The following GRID2 variants were observed in gnomAD, a reference collection of about 807,000 sequenced individuals.
GRID2 encodes the protein glutamate ionotropic receptor delta type subunit 2.
In GRID2, 33 loss-of-function variants were observed where a neutral mutation model predicts 114.8. That is an observed-to-expected ratio of 0.29 (90% confidence interval 0.22 to 0.38). GRID2 has a LOEUF of 0.38. Ranked by LOEUF, GRID2 falls within the 10% of genes least tolerant of loss-of-function variation. The pLI is 1.00. For missense variants in GRID2, 1,184 were observed against 1,257.7 expected, an observed-to-expected ratio of 0.94 and a Z score of 0.89; for synonymous variants, 505 against 449.9, an observed-to-expected ratio of 1.12 and a Z score of -1.55.
At chr4:93,663,302 T>C (rs1723661634) in intron 14 of GRID2, among the ~76,000 whole-genome samples, 1 of 152,154 alleles carries the variant, frequency 6.6e-6, no homozygotes, top group Non-Finnish European at 1.5e-5. Context: ...TATGGAGGTA[T>C]TTTGAGTGCT....
At chr4:92,748,667 A>ATTATTAT (rs1553923498) in intron 2 of GRID2, among the ~76,000 whole-genome samples, 1 of 143,816 alleles carries the variant, frequency 7.0e-6, no homozygotes, top group Non-Finnish European at 1.5e-5. Flanking sequence ...TATTATTATT[A>ATTATTAT]TTATTATTAT....
intron 2 of GRID2, among the ~76,000 whole-genome samples, chr4:92,625,055 A>G (rs750212548): frequency 6.6e-6 from 1 of 151,758 alleles, no homozygotes; most frequent in East Asian, 1.9e-4. Context: ...ATATCTTTAT[A>G]TGCTAAAAAG....
chr4:92,495,950 C>T (rs10014899), intron 1 of GRID2, among the ~76,000 whole-genome samples: 15,823 of 151,706 alleles, frequency 0.1, 1,533 homozygotes, highest in African/African-American at 0.26. Flanking sequence ...CAACTATGAG[C>T]CATCTTTATG....
At chr4:93,262,079 A>G (rs1431101352) in intron 8 of GRID2, among the ~76,000 whole-genome samples, 1 of 151,486 alleles carries the variant, frequency 6.6e-6, no homozygotes, top group Admixed American at 6.6e-5. Context: ...TAAATATTAA[A>G]TGTATAATAA....
At chr4:92,332,569 A>C (rs1372159749) in intron 1 of GRID2, among the ~76,000 whole-genome samples, 4 of 152,194 alleles carry the variant, frequency 2.6e-5, no homozygotes, top group Non-Finnish European at 4.4e-5. Flanking sequence ...ACCCATTCTA[A>C]TATCACCTTA....
intron 3 of GRID2, among the ~76,000 whole-genome samples, chr4:93,094,035 T>G (rs1730998332): frequency 6.6e-6 from 1 of 152,052 alleles, no homozygotes; most frequent in Non-Finnish European, 1.5e-5. Context: ...TTTTTTTAAC[T>G]TTGATAGTTG....
intron 13 of GRID2, among the ~76,000 whole-genome samples, chr4:93,624,954 G>A (rs1373987771): frequency 6.6e-6 from 1 of 152,080 alleles, no homozygotes; most frequent in East Asian, 1.9e-4. Flanking sequence ...TTGTGGAATC[G>A]TTTTATTTTC....
At chr4:92,944,167 C>T (rs533543220) in intron 2 of GRID2, among the ~76,000 whole-genome samples, 173 of 152,176 alleles carry the variant, frequency 1.1e-3, no homozygotes, top group Non-Finnish European at 1.6e-3. Flanking sequence ...ATGGCTATGC[C>T]CTGCCCCCAG....
At chr4:93,593,169 G>T (rs1219120903) in intron 13 of GRID2, among the ~76,000 whole-genome samples, 1 of 150,234 alleles carries the variant, frequency 6.7e-6, no homozygotes, top group Non-Finnish European at 1.5e-5. Flanking sequence ...TTACATTTTG[G>T]CATGATTTTG....
At chr4:93,666,935 C>T (rs1723999697) in intron 14 of GRID2, among the ~76,000 whole-genome samples, 1 of 151,946 alleles carries the variant, frequency 6.6e-6, no homozygotes, top group Non-Finnish European at 1.5e-5. Flanking sequence ...AAATGATTGT[C>T]AAATTTCAGG....
At chr4:93,785,344 C>T (rs909981792) in intron 1 of GRID2, among the ~76,000 whole-genome samples, 6 of 152,068 alleles carry the variant, frequency 3.9e-5, no homozygotes, top group Admixed American at 2.6e-4. Context: ...AATGAAAATG[C>T]AAGGTGATTT....
chr4:92,995,852 C>T (rs1755164942), intron 2 of GRID2, among the ~76,000 whole-genome samples: 1 of 152,058 alleles, frequency 6.6e-6, no homozygotes, highest in South Asian at 2.1e-4. Flanking sequence ...GCAAGCATTT[C>T]TCCTATCTTT....
At chr4:92,886,665 G>A (rs913891737) in intron 2 of GRID2, among the ~76,000 whole-genome samples, 2 of 150,908 alleles carry the variant, frequency 1.3e-5, no homozygotes, top group African/African-American at 4.9e-5. Flanking sequence ...TCGCTCTTTC[G>A]CCCAGGCTGG....
intron 2 of GRID2, among the ~76,000 whole-genome samples, chr4:92,941,421 T>C (rs1751120536): frequency 6.6e-6 from 1 of 152,186 alleles, no homozygotes; most frequent in African/African-American, 2.4e-5. Flanking sequence ...GATATCCCCT[T>C]TATCATTTTT....
At chr4:93,419,074 CTT>C (rs58832079) in intron 9 of GRID2, among the ~76,000 whole-genome samples, 1 of 109,526 alleles carries the variant, frequency 9.1e-6, no homozygotes, top group Non-Finnish European at 1.8e-5. Flanking sequence ...CATGATTTTC[CTT>C]TTTTTTTTTT....
intron 8 of GRID2, among the ~76,000 whole-genome samples, chr4:93,301,693 C>T (rs1182867729): frequency 2.0e-5 from 3 of 152,048 alleles, no homozygotes; most frequent in Admixed American, 6.5e-5. Context: ...CATAATCCTA[C>T]GTATTGTGGG....
chr4:93,715,250 G>GTCTTACC (rs2110178479), intron 14 of GRID2, among the ~76,000 whole-genome samples: 2 of 152,230 alleles, frequency 1.3e-5, no homozygotes, highest in South Asian at 4.2e-4. Flanking sequence ...TAGGAGTGCA[G>GTCTTACC]TCTTACCTCT....
At chr4:92,515,736 C>A (rs984750170) in intron 1 of GRID2, among the ~76,000 whole-genome samples, 1 of 151,900 alleles carries the variant, frequency 6.6e-6, no homozygotes, top group Non-Finnish European at 1.5e-5. Context: ...TGAGTACCTA[C>A]TAACGGTTGA....
At chr4:93,553,378 T>A (rs564147704) in intron 13 of GRID2, among the ~76,000 whole-genome samples, 100 of 152,286 alleles carry the variant, frequency 6.6e-4, no homozygotes, top group African/African-American at 2.2e-3. Context: ...ACTGTGTTTT[T>A]TTATGGGAAC....
Sources: gnomAD v4.1 joint callset for allele counts (sites outside exome capture counted in the v4.1 genomes callset) on GRCh38, gnomAD v4.1.1 for gene constraint, MANE v1.5 for transcripts, NCBI Gene and HGNC (gene_info 2026-07-23, HGNC 2026-07-21) for gene names.